The following USP42 variants were observed in gnomAD, a reference collection of about 807,000 sequenced individuals.
The protein encoded by USP42 is ubiquitin carboxyl-terminal hydrolase 42.
In USP42, 23 loss-of-function variants were observed where a neutral mutation model predicts 113.0. The ratio of observed to expected loss-of-function variants is 0.20; its 90% CI spans 0.15 to 0.29. The LOEUF (loss-of-function observed/expected upper bound fraction) is 0.29, where lower values mean the gene tolerates loss of function less well. Ranked by LOEUF, USP42 falls within the 10% of genes least tolerant of loss-of-function variation. The pLI is 1.00. For synonymous variants in USP42, 933 were observed against 699.0 expected (o/e 1.33, Z -5.28); for missense variants, 2,174 against 1,779.8 (o/e 1.22, Z -3.99).
intron 1 of USP42, 96 bp from the exon 2 acceptor site, chr7:6,111,029 A>T: frequency 7.6e-7 from 1 of 1,310,012 alleles, no homozygotes; most frequent in Non-Finnish European, 1.0e-6. Context: ...AAATCACTTT[A>T]AAATGGCTGG....
chr7:6,152,098 G>A (rs910553856), intron 14 of USP42, among the ~76,000 whole-genome samples: 1 of 152,258 alleles, frequency 6.6e-6, no homozygotes, highest in East Asian at 1.9e-4. Flanking sequence ...TGAGAGGAAG[G>A]GAATTTGTCA....
chr7:6,103,824 A>C (rs1023159426), upstream of USP42, among the ~76,000 whole-genome samples: 69 of 150,584 alleles, frequency 4.6e-4, 4 homozygotes, highest in African/African-American at 1.6e-3. Flanking sequence ...GAAGCCACGG[A>C]GGGGGAGCTG....
Position 6,153,709 on chromosome 7 carries a change from T to A in USP42, c.2202-47T>A, listed in dbSNP as rs1199162786. 3 of 1,423,316 alleles carry A rather than the reference T, an allele frequency of 2.1e-6. No individual in the cohort carries two copies. The African/African-American group carries it at 4.5e-5, about 21-fold the overall frequency. 88.2% of individuals were successfully genotyped at this position (1,423,316 alleles called of 1,614,324 possible). ...TCCTTGTAATGCAATGACATGAGCCTGTCAAGCCCACGCTAACGGGCGTGT... is the reference window on the plus strand; with the variant it reads ...TCCTTGTAATGCAATGACATGAGCCAGTCAAGCCCACGCTAACGGGCGTGT... On this transcript the variant is annotated intron_variant, in intron 14 of 17. Transcript: ENST00000306177.
chr7:6,116,579 A>G, intron 3 of USP42: 2 of 318,944 alleles, frequency 6.3e-6, no homozygotes, highest in Non-Finnish European at 1.2e-5. Context: ...TTTCTTTTTG[A>G]ATAGTTCTTT....
At chr7:6,114,608 AATAT>A (rs1779778248) in intron 2 of USP42, among the ~76,000 whole-genome samples, 1 of 145,658 alleles carries the variant, frequency 6.9e-6, no homozygotes, top group Admixed American at 6.9e-5. Context: ...GTATATATAA[AATAT>A]ATATACATAA....
intron 1 of USP42, 138 bp from the exon 2 acceptor site, chr7:6,110,987 C>G: frequency 1.2e-6 from 1 of 807,204 alleles, no homozygotes; most frequent in Non-Finnish European, 1.9e-6. Context: ...TTAGAAAGTA[C>G]TATTGTTTTT....
Position 6,111,252 on chromosome 7 carries a change from C to A in USP42, c.119C>A (p.Ala40Asp). ...GATGCAGGTTCTGCCAGCTGGGGTG[C>A]TGTGTCTTCATTGAATGATGTGTCA... ...DMDAGSASWG[A>D]VSSLNDVSNH... Residue 40 changes from alanine (A) to aspartate (D), a missense_variant, in exon 2 of 18, where the codon GCT becomes GAT. Transcript: ENST00000306177. 6.2e-7 allele frequency: 1 copy of A among 1,608,468 alleles called. No individual in the cohort carries two copies. Among genetic ancestry groups the A allele is most frequent in the Non-Finnish European group, 8.5e-7 (1 of 1,177,184 alleles).
At chr7:6,127,357 C>T (rs1372265784) in intron 3 of USP42, among the ~76,000 whole-genome samples, 2 of 152,056 alleles carry the variant, frequency 1.3e-5, no homozygotes, top group Admixed American at 6.6e-5. Flanking sequence ...TATCTCTTTG[C>T]CTAGCTCTTG....
the USP42 span, chr7:6,088,878 G>A: frequency 6.6e-6 from 1 of 150,748 alleles, no homozygotes; most frequent in African/African-American, 2.5e-5. Context: ...GGGGACGGCG[G>A]GAACCAAGAT....
At position 6,146,493 on chromosome 7, in the gene USP42, A is replaced by G. The variant is rs368753126; in HGVS notation, c.1232+245A>G. Among the ~76,000 whole-genome samples, 595 of 152,206 alleles carry G rather than the reference A, an allele frequency of 3.9e-3. 2 individuals are homozygous for G. Among genetic ancestry groups the G allele is most frequent in the African/African-American group, 0.014 (571 of 41,526 alleles). Reference sequence around the variant, plus strand: ...AGCCTGGGCAACATAGTGAGACCACATGTCTACAAAATACGAAAAAATTAG... The same window carrying G: ...AGCCTGGGCAACATAGTGAGACCACGTGTCTACAAAATACGAAAAAATTAG... On this transcript the variant is annotated intron_variant, in intron 11 of 17. Coordinates refer to ENST00000306177, the MANE Select transcript of USP42 (RefSeq NM_032172.3).
rs1782277037 is a variant in USP42 at position 6,154,338 on chromosome 7, G to A, written c.2784G>A (p.Ala928=). The A allele has an allele frequency of 1.9e-6, 3 of 1,571,202 alleles. No individual in the cohort carries two copies. Among genetic ancestry groups the A allele is most frequent in the East Asian group, 2.4e-5 (1 of 42,124 alleles). ...CCGGCGAGAGGGTCGAGGACGCCGC[G>A]GCGCCGAAAGCCCCAGGCCCTTCCC... The part of the protein sequence containing the change: ...PSPGERVEDA[A]APKAPGPSPA... Residue 928 remains alanine, a synonymous_variant, in exon 15 of 18, where the codon GCG becomes GCA. Transcript: ENST00000306177.
At chr7:6,103,953 G>A (rs1562791720), upstream of USP42, among the ~76,000 whole-genome samples, 1 of 151,130 alleles carries the variant, frequency 6.6e-6, no homozygotes, top group Admixed American at 6.6e-5. Flanking sequence ...GCGTGGTAGC[G>A]CGCGTCCGTA....
chr7:6,149,546 C>G (rs1170830972), intron 12 of USP42, 37 bp from the exon 13 acceptor site: 14 of 1,569,746 alleles, frequency 8.9e-6, no homozygotes, highest in Non-Finnish European at 1.2e-5. Context: ...GACCATGTTT[C>G]TGGAGCTCTG....
chr7:6,104,009 G>A (rs1297917786), upstream of USP42, among the ~76,000 whole-genome samples: 5 of 149,988 alleles, frequency 3.3e-5, no homozygotes, highest in Non-Finnish European at 7.4e-5. Context: ...GCTTGAGCCC[G>A]GGAGGTCGCA....
rs750643430 is a variant in USP42 at position 6,154,243 on chromosome 7, G to A, written c.2689G>A (p.Glu897Lys). The A allele has an allele frequency of 1.2e-6, 2 of 1,604,692 alleles. No individual in the cohort carries two copies. Among genetic ancestry groups the A allele is most frequent in the South Asian group, 1.1e-5 (1 of 90,566 alleles). The change falls in exon 15 of 18, where the codon GAG (glutamate) becomes AAG (lysine). Residue 897 changes from glutamate to lysine, a missense_variant. Coordinates refer to ENST00000306177, the MANE Select transcript of USP42 (RefSeq NM_032172.3). ...GAGCTTGGGCGCACCCGAGGCCGCA[G>A]AGCGGCCGCCAGCTCCTGTGCTGGA... ...SQSLGAPEAA[E>K]RPPAPVLDMA...
chr7:6,107,260 A>C (rs991363028), intron 1 of USP42, among the ~76,000 whole-genome samples: 2 of 151,926 alleles, frequency 1.3e-5, no homozygotes, highest in African/African-American at 2.4e-5. Context: ...AAATGGTTTT[A>C]TTTGGTCATT....
upstream of USP42, among the ~76,000 whole-genome samples, chr7:6,101,698 C>T (rs1790131513): frequency 6.6e-6 from 1 of 151,046 alleles, no homozygotes; most frequent in African/African-American, 2.5e-5. Context: ...TGGCATGGGG[C>T]AAGGTAGAGG....
At chr7:6,129,624 G>A (rs1562823068) in intron 3 of USP42, among the ~76,000 whole-genome samples, 1 of 151,354 alleles carries the variant, frequency 6.6e-6, no homozygotes, top group Admixed American at 6.6e-5. Flanking sequence ...ACTTTGGGAG[G>A]CCGAGGCGGG....
At chr7:6,155,245 G>A (rs6964819) in intron 15 of USP42, 50 bp downstream of exon 15, 141,380 of 1,475,222 alleles carry the variant, frequency 0.096, 10,832 homozygotes, top group East Asian at 0.45. Flanking sequence ...GCTGTCAGCA[G>A]TGGGGCCTGT....
Sources: allele counts gnomAD v4.1 joint callset (sites outside exome capture counted in the v4.1 genomes callset), GRCh38; gene constraint gnomAD v4.1.1; transcripts MANE v1.5; gene names NCBI Gene and HGNC (gene_info 2026-07-23, HGNC 2026-07-21).